MIA3: variants seen among roughly 807,000 people sequenced by gnomAD.
The protein encoded by MIA3 is MIA SH3 domain ER export factor 3.
Under a neutral mutation model 192.4 loss-of-function variants are expected in MIA3, and 90 were observed. The observed-to-expected ratio is 0.47, with a 90% CI of 0.39 to 0.56. MIA3 has a LOEUF of 0.56. MIA3 is among the 20% of genes least tolerant of loss of function. The pLI is 0.00. For synonymous variants in MIA3, 740 were observed against 792.8 expected, an observed-to-expected ratio of 0.93 and a Z score of 1.12; for missense variants, 2,123 against 2,269.4, an observed-to-expected ratio of 0.94 and a Z score of 1.31.
At chr1:222,644,355 A>C (rs1663020615) in intron 6 of MIA3, 5 of 1,492,946 alleles carry the variant, frequency 3.3e-6, no homozygotes, top group Non-Finnish European at 4.5e-6. Context: ...GTGGAAGGCG[A>C]AGTTCAATCC....
intron 2 of MIA3, 25 bp from the exon 3 acceptor site, chr1:222,624,743 C>T: frequency 3.8e-6 from 4 of 1,056,200 alleles, no homozygotes; most frequent in Non-Finnish European, 5.9e-6. Flanking sequence ...TGATATGTGT[C>T]CCTTTTGCCC....
chr1:222,664,203 T>A, intron 27 of MIA3, 55 bp downstream of exon 27: 1 of 1,582,170 alleles, frequency 6.3e-7, no homozygotes, highest in Non-Finnish European at 8.7e-7. Context: ...ATCTTCTCCA[T>A]CTATCCCTTG....
rs1272501240 is a variant in MIA3 at position 222,628,962 on chromosome 1, C to G, written c.1742C>G (p.Pro581Arg). 6.2e-7 allele frequency: 1 copy of G among 1,614,138 alleles called. No individual in the cohort carries two copies. The highest frequency in any genetic ancestry group is 1.7e-5 in the Admixed American group (1 of 60,018). The change falls in exon 4 of 28, where the codon CCA becomes CGA. Residue 581 changes from proline (P) to arginine (R), a missense_variant. This residue lies in a region of MIA3 where 1,357 missense variants were observed against 1,396.1 expected (regional missense o/e 0.97). Coordinates refer to ENST00000344922, the MANE Select transcript of MIA3 (RefSeq NM_198551.4). ...KIQQESLGSA[P>R]LMGDDHPNAS... ...CAACAGGAATCCCTGGGTAGTGCAC[C>G]ACTCATGGGAGATGACCACCCTAAC...
chr1:222,624,752 C>T lies in MIA3; in HGVS notation c.268-16C>T, dbSNP rs755184494. 1.2e-5 allele frequency: 15 copies of T among 1,288,940 alleles called. No homozygotes were observed. In the Admixed American group the frequency reaches 2.0e-4, roughly 18 times the overall value. The allele number at this position is 1,288,940 out of a possible 1,614,324, so 79.8% of individuals were successfully genotyped here. ...TTTGATTGATATGTGTCCCTTTTGC[C>T]CATTCTTTTGTGTAGGTTGGACGCA... is the stretch of plus-strand genomic sequence containing the variant. On this transcript the variant is annotated splice_polypyrimidine_tract_variant and intron_variant, in intron 2 of 27. Transcript: ENST00000344922.
Position 222,627,804 on chromosome 1 carries a change from A to G in MIA3, c.584A>G (p.Glu195Gly). 6.2e-7 allele frequency: 1 copy of G among 1,613,978 alleles called. No individual in the cohort carries two copies. The highest frequency in any genetic ancestry group is 8.5e-7 in the Non-Finnish European group (1 of 1,179,988). Reference sequence around the variant, plus strand: ...GAGGAAAGTGATAGTGTATTCTCAGAAAACACTGAGGATCTTCAGGAACAG... The same window carrying G: ...GAGGAAAGTGATAGTGTATTCTCAGGAAACACTGAGGATCTTCAGGAACAG... ...NSEESDSVFSENTEDLQEQFT... is the reference protein window; with the variant it reads ...NSEESDSVFSGNTEDLQEQFT... Residue 195 changes from glutamate to glycine, a missense_variant, in exon 4 of 28, where the codon GAA (glutamate) becomes GGA (glycine). Transcript: ENST00000344922.
rs1361114001 is a variant in MIA3 at position 222,664,113 on chromosome 1, G to T, written c.5378G>T (p.Gly1793Val). 5 of 1,614,038 alleles carry T rather than the reference G, an allele frequency of 3.1e-6. No individual in the cohort carries two copies. ...IRYGPPPQLCGPFGPRPLPPP... is the reference protein window; with the variant it reads ...IRYGPPPQLCVPFGPRPLPPP... ...TATGGACCACCACCTCAGCTCTGCGGACCTTTTGGGCCTCGGCCACTTCCT... is the reference window on the plus strand; with the variant it reads ...TATGGACCACCACCTCAGCTCTGCGTACCTTTTGGGCCTCGGCCACTTCCT... The change falls in exon 27 of 28, where the codon GGA becomes GTA. Residue 1793 changes from glycine to valine, a missense_variant. Physicochemically the swap from Gly to Val is moderately radical, Grantham distance 109. Coordinates refer to ENST00000344922, the MANE Select transcript of MIA3 (RefSeq NM_198551.4).
chr1:222,623,020 A>G (rs1661944731), intron 2 of MIA3, among the ~76,000 whole-genome samples: 1 of 152,228 alleles, frequency 6.6e-6, no homozygotes. Context: ...GTCTTAGCTC[A>G]CGTAAAGTGA....
chr1:222,641,184 G>C (rs747865720), intron 6 of MIA3, among the ~76,000 whole-genome samples: 3 of 152,188 alleles, frequency 2.0e-5, no homozygotes, highest in South Asian at 4.1e-4. Context: ...ACCTACACTG[G>C]TCATATGATC....
rs1340280243 is a variant in MIA3 at position 222,628,424 on chromosome 1, G to C, written c.1204G>C (p.Asp402His). The C allele has an allele frequency of 6.2e-7, 1 of 1,613,862 alleles. No individual in the cohort carries two copies. Among genetic ancestry groups the C allele is most frequent in the Non-Finnish European group, 8.5e-7 (1 of 1,179,948 alleles). Residue 402 changes from aspartate (D) to histidine (H), a missense_variant, in exon 4 of 28, where the codon GAT becomes CAT. By Grantham distance (81) the Asp-to-His change is moderately conservative. Around this residue, in one of 3 missense-constraint regions of MIA3, gnomAD observed 1,357 missense variants for 1,396.1 expected, o/e 0.97. Transcript: ENST00000344922. ...AGGTGAAGAAACAAGAGATACGATG[G>C]ATTTAGAGAGCTCTAGTTCAGAGGA... Reference protein sequence around the residue: ...TGGEETRDTMDLESSSSEEEK... With the variant: ...TGGEETRDTMHLESSSSEEEK...
rs199716123 is a variant in MIA3 at position 222,628,851 on chromosome 1, A to G, written c.1631A>G (p.Lys544Arg). Residue 544 changes from lysine (K) to arginine (R), a missense_variant, in exon 4 of 28, where the codon AAG becomes AGG. Around this residue, in one of 3 missense-constraint regions of MIA3, gnomAD observed 1,357 missense variants for 1,396.1 expected, o/e 0.97. Transcript: ENST00000344922. ...HISKGMLHEE[K>R]PGEQILEGGS... ...TCAAAAGGAATGCTCCACGAAGAAA[A>G]GCCTGGAGAGCAGATTTTGGAAGGT... 2 of 1,614,176 alleles carry G rather than the reference A, an allele frequency of 1.2e-6. No individual in the cohort carries two copies. Among genetic ancestry groups the G allele is most frequent in the African/African-American group, 2.7e-5 (2 of 75,064 alleles).
At chr1:222,645,726 AT>A (rs989520433) in intron 7 of MIA3, 41 bp downstream of exon 7, 14 of 1,567,920 alleles carry the variant, frequency 8.9e-6, no homozygotes, top group Middle Eastern at 3.4e-4. Flanking sequence ...AAATTCAAGT[AT>A]GGTTTTATAA....
At chr1:222,656,302 G>A (rs1178667566) in intron 18 of MIA3, among the ~76,000 whole-genome samples, 1 of 152,016 alleles carries the variant, frequency 6.6e-6, no homozygotes, top group Non-Finnish European at 1.5e-5. Context: ...GGTTCAGTGA[G>A]TTTACTTTTG....
chr1:222,658,949 T>A (rs1366948641), intron 19 of MIA3, 126 bp downstream of exon 19: 2 of 614,808 alleles, frequency 3.3e-6, no homozygotes, highest in Non-Finnish European at 5.6e-6. Flanking sequence ...AAAGAAAAAC[T>A]AAATTTTAAG....
chr1:222,638,760 G>C (rs567695751), intron 6 of MIA3, among the ~76,000 whole-genome samples: 1 of 151,916 alleles, frequency 6.6e-6, no homozygotes, highest in Admixed American at 6.6e-5. Context: ...GTACAATGTC[G>C]CCAAAGAACG....
Position 222,622,639 on chromosome 1 carries a change from C to G in MIA3, c.267+1347C>G, listed in dbSNP as rs563915820. On this transcript the variant is annotated intron_variant, in intron 2 of 27. Transcript: ENST00000344922. ...ATACCAAAACAAATCTATTCTATTT[C>G]CTTCAAGTCTACCTAATGAGATTTG... is the stretch of plus-strand genomic sequence containing the variant. 2.0e-5 allele frequency among the ~76,000 whole-genome samples: 3 copies of G among 152,326 alleles called. 1 individual carries two copies. In the South Asian group the frequency reaches 6.2e-4, roughly 32 times the overall value.
chr1:222,631,931 C>T (rs1288261590), intron 4 of MIA3, among the ~76,000 whole-genome samples: 1 of 152,152 alleles, frequency 6.6e-6, no homozygotes, highest in Non-Finnish European at 1.5e-5. Flanking sequence ...ACTGAAGTCC[C>T]TACCATAAAT....
intron 1 of MIA3, among the ~76,000 whole-genome samples, chr1:222,618,507 G>C (rs1661710976): frequency 6.6e-6 from 1 of 152,214 alleles, no homozygotes; most frequent in Non-Finnish European, 1.5e-5. Flanking sequence ...TGTTGCCAGC[G>C]TTTTATTTTT....
At chr1:222,642,929 A>G (rs191080036) in intron 6 of MIA3, among the ~76,000 whole-genome samples, 188 of 152,272 alleles carry the variant, frequency 1.2e-3, no homozygotes, top group Non-Finnish European at 2.0e-3. Context: ...AAAGCACTTT[A>G]TATTTTAGGA....
Position 222,665,591 on chromosome 1 carries a change from G to A in MIA3, c.5696G>A (p.Cys1899Tyr). 6.2e-7 allele frequency: 1 copy of A among 1,601,810 alleles called. No homozygotes were observed. Among genetic ancestry groups the A allele is most frequent in the Non-Finnish European group, 8.5e-7 (1 of 1,175,938 alleles). Residue 1899 changes from cysteine (C) to tyrosine (Y), a missense_variant, in exon 28 of 28, where the codon TGT (cysteine) becomes TAT (tyrosine). By Grantham distance (194) the Cys-to-Tyr change is radical. Coordinates refer to ENST00000344922, the MANE Select transcript of MIA3 (RefSeq NM_198551.4). ...PPASQSTSQD[C>Y]SQALKQSP ...GCCTCTCAGAGCACTAGCCAGGACT[G>A]TTCACAGGCTTTAAAACAGAGCCCA...
Sources: allele counts gnomAD v4.1 joint callset (sites outside exome capture counted in the v4.1 genomes callset), GRCh38; gene constraint gnomAD v4.1.1; regional missense constraint gnomAD v4.1.1; transcripts MANE v1.5; gene names NCBI Gene and HGNC (gene_info 2026-07-23, HGNC 2026-07-21).